AMBRA1: variants seen among roughly 807,000 people sequenced by gnomAD.
AMBRA1 encodes the protein autophagy and beclin 1 regulator 1, also known as activating molecule in BECN1-regulated autophagy protein 1.
In AMBRA1, 47 loss-of-function variants were observed where a neutral mutation model predicts 125.4. The observed-to-expected ratio is 0.37, with a 90% CI of 0.30 to 0.48. AMBRA1 has a LOEUF of 0.48. Among genes scored for constraint, AMBRA1 ranks in the 20% least tolerant of loss-of-function variants. AMBRA1 has a pLI of 0.99. For synonymous variants in AMBRA1, 626 were observed against 655.5 expected (o/e 0.95, Z 0.69); for missense variants, 1,331 against 1,693.4 (o/e 0.79, Z 3.76).
At chr11:46,417,842 G>A in intron 15 of AMBRA1, 71 bp downstream of exon 15, 1 of 1,461,936 alleles carries the variant, frequency 6.8e-7, no homozygotes, top group Non-Finnish European at 9.2e-7. Flanking sequence ...AAAGACCCCA[G>A]TTGGTGAATA....
chr11:46,401,817 C>T (rs946124741), intron 17 of AMBRA1, among the ~76,000 whole-genome samples: 6 of 152,240 alleles, frequency 3.9e-5, no homozygotes, highest in African/African-American at 1.4e-4. Context: ...CCTAATTCAG[C>T]TCTGCTGACT....
chr11:46,528,275 G>A (rs1300692026), intron 7 of AMBRA1, among the ~76,000 whole-genome samples: 4 of 152,172 alleles, frequency 2.6e-5, no homozygotes, highest in South Asian at 2.1e-4. Flanking sequence ...AGGTTCAAGC[G>A]ATTCTCCTGC....
chr11:46,583,156 T>C (rs1356604085), intron 1 of AMBRA1, among the ~76,000 whole-genome samples: 3 of 152,204 alleles, frequency 2.0e-5, no homozygotes, highest in East Asian at 1.9e-4. Context: ...AACAGAGATA[T>C]TGATCAATGG....
At chr11:46,541,060 G>A (rs1012333565) in intron 7 of AMBRA1, among the ~76,000 whole-genome samples, 10 of 152,188 alleles carry the variant, frequency 6.6e-5, no homozygotes, top group Admixed American at 6.5e-5. Context: ...GTAATGCAGC[G>A]CAATATGCTG....
intron 7 of AMBRA1, among the ~76,000 whole-genome samples, chr11:46,518,763 AC>A (rs916081016): frequency 6.6e-6 from 1 of 152,214 alleles, no homozygotes; most frequent in Non-Finnish European, 1.5e-5. Flanking sequence ...TGGAAAAAAA[AC>A]ATCAAAAATG....
At chr11:46,507,159 A>ACAG (rs1347719843) in intron 9 of AMBRA1, among the ~76,000 whole-genome samples, 4 of 125,570 alleles carry the variant, frequency 3.2e-5, no homozygotes. Context: ...CCTAGGCAAC[A>ACAG]CAGCAAGACT....
At chr11:46,468,108 C>T (rs951399841) in intron 11 of AMBRA1, among the ~76,000 whole-genome samples, 1 of 152,198 alleles carries the variant, frequency 6.6e-6, no homozygotes, top group African/African-American at 2.4e-5. Context: ...AACCCTCACA[C>T]ATTTGTTGAA....
intron 12 of AMBRA1, among the ~76,000 whole-genome samples, chr11:46,436,291 T>A (rs35715394): frequency 0.012 from 1,830 of 152,312 alleles, 44 homozygotes; most frequent in African/African-American, 0.042. Flanking sequence ...ATCTGATACT[T>A]AAGAGTGATT....
intron 11 of AMBRA1, among the ~76,000 whole-genome samples, chr11:46,487,512 G>C (rs1462273656): frequency 2.6e-5 from 4 of 151,996 alleles, no homozygotes; most frequent in African/African-American, 9.7e-5. Context: ...CACATTGTTG[G>C]GTTTGTAATA....
intron 11 of AMBRA1, 149 bp downstream of exon 11, chr11:46,493,459 A>C (rs1950533447): frequency 3.3e-6 from 2 of 614,010 alleles, no homozygotes; most frequent in Non-Finnish European, 5.5e-6. Context: ...GCCTTCAAGT[A>C]AGGAACTGAA....
intron 9 of AMBRA1, among the ~76,000 whole-genome samples, chr11:46,507,697 T>C (rs1467509873): frequency 6.6e-6 from 1 of 152,000 alleles, no homozygotes; most frequent in Non-Finnish European, 1.5e-5. Flanking sequence ...GTTTAGGCAA[T>C]GGAGTAGGAT....
intron 17 of AMBRA1, among the ~76,000 whole-genome samples, chr11:46,406,332 G>C (rs1168818922): frequency 1.4e-5 from 2 of 147,580 alleles, no homozygotes; most frequent in South Asian, 4.3e-4. Context: ...AGAATTACAG[G>C]CGTGAGCCAC....
chr11:46,452,588 C>T (rs1948664391), intron 11 of AMBRA1, among the ~76,000 whole-genome samples: 1 of 152,164 alleles, frequency 6.6e-6, no homozygotes, highest in South Asian at 2.1e-4. Context: ...AACCATCTTC[C>T]CTTTCTGAGT....
Position 46,434,899 on chromosome 11 carries a change from T to A in AMBRA1, c.2771A>T (p.Tyr924Phe), listed in dbSNP as rs758615335. ...GCCCAGGTTATGGGGGGCCAGGGAG[T>A]ACACTGCCAGGATGCCTTCATCAGG... Reference protein sequence around the residue: ...GFPDEGILAVYSLAPHNLGEM... With the variant: ...GFPDEGILAVFSLAPHNLGEM... The change falls in exon 13 of 18, where the codon TAC (tyrosine) becomes TTC (phenylalanine). Residue 924 changes from tyrosine (Y) to phenylalanine (F), a missense_variant. By Grantham distance (22) the Tyr-to-Phe change is conservative. Around this residue, in one of 4 missense-constraint regions of AMBRA1, gnomAD observed 354 missense variants for 532.7 expected, o/e 0.66. Transcript: ENST00000683756. 6.8e-6 allele frequency: 11 copies of A among 1,613,722 alleles called. No homozygotes were observed. The Admixed American group carries it at 1.8e-4, about 27-fold the overall frequency.
intron 1 of AMBRA1, among the ~76,000 whole-genome samples, chr11:46,553,554 G>A (rs1424749647): frequency 6.6e-6 from 1 of 151,976 alleles, no homozygotes; most frequent in East Asian, 1.9e-4. Flanking sequence ...AGACCAGCCT[G>A]GCCAACATAG....
At chr11:46,418,986 G>T (rs931701450) in intron 14 of AMBRA1, among the ~76,000 whole-genome samples, 1 of 151,912 alleles carries the variant, frequency 6.6e-6, no homozygotes, top group Non-Finnish European at 1.5e-5. Context: ...AATTGGAGGT[G>T]ATAGGGGGGC....
At chr11:46,460,344 C>T (rs1289942623) in intron 11 of AMBRA1, among the ~76,000 whole-genome samples, 3 of 146,450 alleles carry the variant, frequency 2.0e-5, no homozygotes, top group Non-Finnish European at 3.0e-5. Flanking sequence ...TTTTTTGAGA[C>T]GGAGTCTCGC....
At chr11:46,572,118 T>C (rs1259571254) in intron 1 of AMBRA1, among the ~76,000 whole-genome samples, 1 of 152,040 alleles carries the variant, frequency 6.6e-6, no homozygotes, top group Non-Finnish European at 1.5e-5. Context: ...CTGGCCAACA[T>C]GATGAAATGC....
At position 46,406,372 on chromosome 11, in the gene AMBRA1, T is replaced by TA. The variant is rs529275776; in HGVS notation, c.3403+2140dup. Among the ~76,000 whole-genome samples, 171 of 81,548 alleles carry TA rather than the reference T, an allele frequency of 2.1e-3. 2 individuals carry two copies. The highest frequency in any genetic ancestry group is 7.8e-3 in the African/African-American group (164 of 21,106). 53.5% of individuals were successfully genotyped at this position (81,548 alleles called of 152,430 possible). On this transcript the variant is annotated intron_variant, in intron 17 of 17. Coordinates refer to ENST00000683756, the MANE Select transcript of AMBRA1 (RefSeq NM_001387011.1). The stretch of plus-strand genomic sequence containing the variant: ...CCCAGCTGAGACTCTATCTTTAAAT[T>TA]AAAAAAAAAAAAAAAAAAAAAGGTC...
Sources: gnomAD v4.1 joint callset for allele counts (sites outside exome capture counted in the v4.1 genomes callset) on GRCh38, gnomAD v4.1.1 for gene constraint, gnomAD v4.1.1 regional missense constraint, MANE v1.5 for transcripts, NCBI Gene and HGNC (gene_info 2026-07-23, HGNC 2026-07-21) for gene names.